The following NGEF variants were observed in gnomAD, a reference collection of about 807,000 sequenced individuals.
NGEF encodes the protein ephexin-1.
Under a neutral mutation model 80.9 loss-of-function variants are expected in NGEF, and 31 were observed. The ratio of observed to expected loss-of-function variants is 0.38; its 90% CI spans 0.29 to 0.52. The LOEUF (loss-of-function observed/expected upper bound fraction) is 0.52, where lower values mean the gene tolerates loss of function less well. NGEF is among the 20% of genes least tolerant of loss of function. The probability of loss-of-function intolerance (pLI) is 0.84; values close to 1 mark genes in which losing one functional copy is unlikely to be tolerated. For missense variants in NGEF, 709 were observed against 926.2 expected, an observed-to-expected ratio of 0.77 and a Z score of 3.04; for synonymous variants, 371 against 370.2, an observed-to-expected ratio of 1.00 and a Z score of -0.03.
At chr2:232,970,091 C>T (rs951461759) in intron 3 of NGEF, 123 bp downstream of exon 3, 6 of 459,972 alleles carry the variant, frequency 1.3e-5, no homozygotes, top group Non-Finnish European at 2.3e-5. Context: ...TTAGCACGGG[C>T]AACCAAAAGT....
rs72980026 is a variant in NGEF at position 232,990,589 on chromosome 2, C to G, written c.-74-15625G>C. Among the ~76,000 whole-genome samples the G allele has an allele frequency of 1.5e-4, 23 of 152,082 alleles. 1 individual carries two copies. Among genetic ancestry groups the G allele is most frequent in the African/African-American group, 4.6e-4 (19 of 41,514 alleles). Reference sequence around the variant, plus strand: ...TGAGCAATATAGATAATAAAGAGAGCCTTCTTCTCCCAAATATCATTAAAT... The same window carrying G: ...TGAGCAATATAGATAATAAAGAGAGGCTTCTTCTCCCAAATATCATTAAAT... On this transcript the variant is annotated intron_variant, in intron 1 of 14. Coordinates refer to ENST00000264051, the MANE Select transcript of NGEF (RefSeq NM_019850.3).
At chr2:232,887,386 A>G (rs116774329) in intron 9 of NGEF, among the ~76,000 whole-genome samples, 6,979 of 152,186 alleles carry the variant, frequency 0.046, 205 homozygotes, top group Non-Finnish European at 0.066. Flanking sequence ...GGGTCAGGAG[A>G]TGGTCTGGAG....
intron 5 of NGEF, among the ~76,000 whole-genome samples, chr2:232,907,559 C>A (rs1288009409): frequency 6.6e-6 from 1 of 152,206 alleles, no homozygotes; most frequent in African/African-American, 2.4e-5. Flanking sequence ...GAGTGACACA[C>A]TGAAGCCTGC....
At chr2:232,926,401 A>G (rs1693068438) in intron 4 of NGEF, among the ~76,000 whole-genome samples, 2 of 151,340 alleles carry the variant, frequency 1.3e-5, no homozygotes, top group South Asian at 4.2e-4. Flanking sequence ...CATTTTCCCT[A>G]TTCACAGTGC....
rs59065936 is a variant in NGEF, at chr2:232,948,183, GTA to G, written c.384-20999_384-20998del. On this transcript the variant is annotated intron_variant, in intron 3 of 14. Transcript: ENST00000264051. ...TGTGTGTGTGTGTGTGTGTGTGTGTGTATATAATTATTATTAGTTTTTTGAGA... is the reference window on the plus strand; with the variant it reads ...TGTGTGTGTGTGTGTGTGTGTGTGTGTATAATTATTATTAGTTTTTTGAGA... 4.6e-3 allele frequency among the ~76,000 whole-genome samples: 677 copies of G among 147,682 alleles called. 3 individuals carry two copies. The highest frequency in any genetic ancestry group is 0.013 in the South Asian group (59 of 4,678).
At chr2:232,977,637 TG>T (rs1275934770) in intron 1 of NGEF, among the ~76,000 whole-genome samples, 1 of 149,608 alleles carries the variant, frequency 6.7e-6, no homozygotes, top group East Asian at 2.0e-4. Flanking sequence ...GGGGTGGGAG[TG>T]GGGGTGGATG....
intron 1 of NGEF, among the ~76,000 whole-genome samples, chr2:232,991,440 T>C (rs1224198775): frequency 2.0e-5 from 3 of 152,082 alleles, no homozygotes; most frequent in African/African-American, 4.8e-5. Flanking sequence ...AATTGTATTT[T>C]TGTATAGCAG....
At chr2:232,951,234 T>G (rs897745535) in intron 3 of NGEF, among the ~76,000 whole-genome samples, 8 of 152,182 alleles carry the variant, frequency 5.3e-5, no homozygotes, top group African/African-American at 1.9e-4. Context: ...CCTCGATGTC[T>G]AGGGCTTTTC....
At chr2:232,982,028 G>A (rs1187745576) in intron 1 of NGEF, among the ~76,000 whole-genome samples, 1 of 152,186 alleles carries the variant, frequency 6.6e-6, no homozygotes, top group Non-Finnish European at 1.5e-5. Context: ...GGAGGTACTG[G>A]TGAGGAGCAG....
At chr2:232,938,528 G>A (rs1004832622) in intron 3 of NGEF, among the ~76,000 whole-genome samples, 3 of 152,100 alleles carry the variant, frequency 2.0e-5, no homozygotes, top group African/African-American at 7.2e-5. Flanking sequence ...GGGTTTGGCT[G>A]TGGGCTTTTG....
At chr2:232,912,420 TTC>T (rs1692708510) in intron 5 of NGEF, among the ~76,000 whole-genome samples, 1 of 152,218 alleles carries the variant, frequency 6.6e-6, no homozygotes, top group African/African-American at 2.4e-5. Context: ...TTGCTAATAT[TTC>T]TTACTGAGAA....
chr2:232,983,519 A>G (rs957399771), intron 1 of NGEF, among the ~76,000 whole-genome samples: 3 of 152,172 alleles, frequency 2.0e-5, no homozygotes, highest in Non-Finnish European at 4.4e-5. Context: ...ATCTGAGCAG[A>G]GGCCTGCAGG....
At chr2:232,943,615 C>T (rs570754631) in intron 3 of NGEF, among the ~76,000 whole-genome samples, 27 of 151,664 alleles carry the variant, frequency 1.8e-4, no homozygotes, top group African/African-American at 6.0e-4. Context: ...CCTGCCTCAG[C>T]CTCCCGAGTA....
At chr2:232,903,270 G>T (rs1166986904) in intron 5 of NGEF, among the ~76,000 whole-genome samples, 1 of 152,158 alleles carries the variant, frequency 6.6e-6, no homozygotes. Flanking sequence ...TCAGTACCCG[G>T]TATTTCCAAC....
At chr2:232,969,162 G>A (rs1440106607) in intron 3 of NGEF, among the ~76,000 whole-genome samples, 1 of 152,120 alleles carries the variant, frequency 6.6e-6, no homozygotes, top group Non-Finnish European at 1.5e-5. Context: ...AGTCATACTG[G>A]AGAATATTTT....
At chr2:232,910,162 C>G (rs552146499) in intron 5 of NGEF, among the ~76,000 whole-genome samples, 22 of 151,828 alleles carry the variant, frequency 1.4e-4, no homozygotes, top group African/African-American at 4.8e-4. Flanking sequence ...AACGATGCTG[C>G]TAGACCAATG....
chr2:233,007,090 A>G (rs1393359736), intron 1 of NGEF, among the ~76,000 whole-genome samples: 1 of 152,052 alleles, frequency 6.6e-6, no homozygotes, highest in Admixed American at 6.5e-5. Flanking sequence ...CAAAAAATAC[A>G]AAAATTAGCC....
In NGEF at chr2:232,906,191, C is replaced by T. The variant is rs865943874; in HGVS notation, c.829-11275G>A. On this transcript the variant is annotated intron_variant, in intron 5 of 14. Coordinates refer to ENST00000264051, the MANE Select transcript of NGEF (RefSeq NM_019850.3). ...GTGGGGGGGTCAGCCCCCCGCCTGG[C>T]CAGCCGCCCCGTCCGGGAAGGAGGT... 2.8e-3 allele frequency among the ~76,000 whole-genome samples: 58 copies of T among 20,444 alleles called. 3 individuals carry two copies. Among genetic ancestry groups the T allele is most frequent in the Admixed American group, 2.1e-3 (4 of 1,906 alleles). 13.4% of individuals were successfully genotyped at this position (20,444 alleles called of 152,430 possible).
chr2:232,979,652 G>A (rs998945685), intron 1 of NGEF, among the ~76,000 whole-genome samples: 2 of 152,124 alleles, frequency 1.3e-5, no homozygotes, highest in African/African-American at 4.8e-5. Flanking sequence ...ATAGCTTTGT[G>A]ATTGAGGGAG....
Sources: allele counts gnomAD v4.1 joint callset (sites outside exome capture counted in the v4.1 genomes callset), GRCh38; gene constraint gnomAD v4.1.1; transcripts MANE v1.5; gene names NCBI Gene and HGNC (gene_info 2026-07-23, HGNC 2026-07-21).